Variants in LRRTM4 observed in about 807,000 individuals in gnomAD.
The protein encoded by LRRTM4 is leucine rich repeat transmembrane neuronal 4, also known as leucine-rich repeat transmembrane neuronal protein 4.
In LRRTM4, 25 loss-of-function variants were observed where a neutral mutation model predicts 47.6. The observed-to-expected ratio is 0.53, with a 90% CI of 0.38 to 0.73. The LOEUF (loss-of-function observed/expected upper bound fraction) is 0.73, where lower values mean the gene tolerates loss of function less well. Ranked by LOEUF, LRRTM4 falls within the 30% of genes least tolerant of loss-of-function variation. The pLI is 0.00. For synonymous variants in LRRTM4, 311 were observed against 269.5 expected (o/e 1.15, Z -1.51); for missense variants, 638 against 713.4 (o/e 0.89, Z 1.20).
chr2:77,409,891 A>G (rs1362799411), intron 3 of LRRTM4, among the ~76,000 whole-genome samples: 1 of 152,122 alleles, frequency 6.6e-6, no homozygotes, highest in Non-Finnish European at 1.5e-5. Context: ...TTCTTGCCCC[A>G]CTTAACATCA....
intron 3 of LRRTM4, among the ~76,000 whole-genome samples, chr2:76,856,272 G>A (rs971691792): frequency 5.9e-5 from 9 of 151,920 alleles, no homozygotes; most frequent in African/African-American, 9.7e-5. Flanking sequence ...GTGAGACTTC[G>A]TCTCAGAAAA....
At chr2:77,143,031 A>G (rs1672166808) in intron 3 of LRRTM4, among the ~76,000 whole-genome samples, 1 of 152,188 alleles carries the variant, frequency 6.6e-6, no homozygotes, top group Non-Finnish European at 1.5e-5. Context: ...CACAAAGATG[A>G]ACACCCCCAA....
intron 3 of LRRTM4, among the ~76,000 whole-genome samples, chr2:77,470,120 G>A (rs976061828): frequency 6.6e-6 from 1 of 152,104 alleles, no homozygotes; most frequent in Non-Finnish European, 1.5e-5. Context: ...ACCAGCAGGG[G>A]CATATATTTG....
At chr2:76,871,887 A>G (rs58429799) in intron 3 of LRRTM4, among the ~76,000 whole-genome samples, 12,185 of 152,264 alleles carry the variant, frequency 0.08, 1,176 homozygotes, top group African/African-American at 0.23. Context: ...CATGGCCTGC[A>G]AGGAAGTGAA....
At chr2:77,085,087 T>C (rs1341997747) in intron 3 of LRRTM4, among the ~76,000 whole-genome samples, 2 of 152,196 alleles carry the variant, frequency 1.3e-5, no homozygotes, top group African/African-American at 4.8e-5. Flanking sequence ...AAATCCTTTC[T>C]ATTGCTGGAA....
chr2:76,758,784 A>C (rs973008620), intron 3 of LRRTM4, among the ~76,000 whole-genome samples: 1 of 152,142 alleles, frequency 6.6e-6, no homozygotes, highest in Non-Finnish European at 1.5e-5. Context: ...TCACATGGTA[A>C]ATATTTATCA....
Position 77,010,222 on chromosome 2 carries a change from C to T in LRRTM4, c.1552-261306G>A, listed in dbSNP as rs1677817128. 2.0e-5 allele frequency among the ~76,000 whole-genome samples: 3 copies of T among 151,812 alleles called. No individual in the cohort carries two copies. In the South Asian group the frequency reaches 6.2e-4, roughly 32 times the overall value. On this transcript the variant is annotated intron_variant, in intron 3 of 3. Transcript: ENST00000409884. Reference sequence around the variant, plus strand: ...AACTGTAGTCAACAAGATGTGCAATCGTTTTTTGGAATGTATTTATTGTGT... The same window carrying T: ...AACTGTAGTCAACAAGATGTGCAATTGTTTTTTGGAATGTATTTATTGTGT...
intron 3 of LRRTM4, among the ~76,000 whole-genome samples, chr2:76,765,672 C>T (rs1673427293): frequency 6.6e-6 from 1 of 152,154 alleles, no homozygotes; most frequent in Non-Finnish European, 1.5e-5. Flanking sequence ...AAATAAGGGG[C>T]CTCAGAATGA....
chr2:77,081,757 T>A (rs2103857457), intron 3 of LRRTM4, among the ~76,000 whole-genome samples: 1 of 152,304 alleles, frequency 6.6e-6, no homozygotes, highest in Non-Finnish European at 1.5e-5. Context: ...CTGATAATGC[T>A]GCACACTGAA....
At chr2:76,775,221 A>G (rs997571068) in intron 3 of LRRTM4, among the ~76,000 whole-genome samples, 4 of 152,154 alleles carry the variant, frequency 2.6e-5, no homozygotes, top group African/African-American at 9.7e-5. Context: ...TTTTTCTGTA[A>G]GTAGCATGAC....
rs1199198699 is a variant in LRRTM4 at position 77,481,422 on chromosome 2, T to C, written c.1551+36896A>G. 2.6e-5 allele frequency among the ~76,000 whole-genome samples: 4 copies of C among 152,194 alleles called. No homozygotes were observed. The East Asian group carries it at 5.8e-4, about 22-fold the overall frequency. On this transcript the variant is annotated intron_variant, in intron 3 of 3. Coordinates refer to ENST00000409884, the MANE Select transcript of LRRTM4 (RefSeq NM_001134745.3). ...AGCAAGGCAATACATTAGTCTCCCCTGCTTATCCCACACTGCAGAATGAAC... is the reference window on the plus strand; with the variant it reads ...AGCAAGGCAATACATTAGTCTCCCCCGCTTATCCCACACTGCAGAATGAAC...
At chr2:77,271,501 C>G (rs1676190606) in intron 3 of LRRTM4, among the ~76,000 whole-genome samples, 1 of 152,152 alleles carries the variant, frequency 6.6e-6, no homozygotes, top group African/African-American at 2.4e-5. Context: ...CACGTGCTCC[C>G]TCCCAAAAGA....
At chr2:77,027,013 A>G (rs1678477353) in intron 3 of LRRTM4, among the ~76,000 whole-genome samples, 1 of 152,084 alleles carries the variant, frequency 6.6e-6, no homozygotes, top group African/African-American at 2.4e-5. Context: ...TCCTGCTTCC[A>G]CTACATTGGT....
At chr2:77,257,043 G>A (rs780760493) in intron 3 of LRRTM4, among the ~76,000 whole-genome samples, 2 of 152,020 alleles carry the variant, frequency 1.3e-5, no homozygotes, top group East Asian at 1.9e-4. Context: ...GAAAAATTGC[G>A]TGGTAACATC....
intron 3 of LRRTM4, among the ~76,000 whole-genome samples, chr2:77,099,277 T>C (rs1301451672): frequency 6.6e-6 from 1 of 151,938 alleles, no homozygotes; most frequent in Non-Finnish European, 1.5e-5. Context: ...TTGTCTATTG[T>C]ATAGCATTGA....
chr2:76,971,587 A>C (rs770743557), intron 3 of LRRTM4, among the ~76,000 whole-genome samples: 18 of 152,014 alleles, frequency 1.2e-4, no homozygotes, highest in Non-Finnish European at 1.8e-4. Flanking sequence ...CCAAGGAAGA[A>C]ATATATATCT....
intron 3 of LRRTM4, among the ~76,000 whole-genome samples, chr2:77,488,952 A>C (rs1408790717): frequency 6.6e-6 from 1 of 151,816 alleles, no homozygotes; most frequent in Non-Finnish European, 1.5e-5. Flanking sequence ...ATACATATGT[A>C]ACAAACCTGC....
At chr2:77,269,627 G>T (rs138586145) in intron 3 of LRRTM4, among the ~76,000 whole-genome samples, 2 of 151,874 alleles carry the variant, frequency 1.3e-5, no homozygotes, top group Non-Finnish European at 2.9e-5. Context: ...TTTAATGAAA[G>T]AAAAAAAGGT....
At chr2:76,837,775 T>C (rs573684341) in intron 3 of LRRTM4, among the ~76,000 whole-genome samples, 89 of 152,306 alleles carry the variant, frequency 5.8e-4, no homozygotes, top group South Asian at 1.7e-3. Context: ...TATGAGTTCA[T>C]GTCCTTTGTA....
Sources: gnomAD v4.1 joint callset for allele counts (sites outside exome capture counted in the v4.1 genomes callset) on GRCh38, gnomAD v4.1.1 for gene constraint, MANE v1.5 for transcripts, NCBI Gene and HGNC (gene_info 2026-07-23, HGNC 2026-07-21) for gene names.